DOCK10: variants seen among roughly 807,000 people sequenced by gnomAD.
DOCK10 encodes dedicator of cytokinesis 10.
DOCK10 carries 145 observed loss-of-function variants against 280.1 expected under a neutral mutation model. The ratio of observed to expected loss-of-function variants is 0.52; its 90% confidence interval spans 0.45 to 0.59. DOCK10 has a LOEUF of 0.59. DOCK10 is among the 20% of genes least tolerant of loss of function. The pLI is 0.00. For missense variants in DOCK10, 2,368 were observed against 2,651.7 expected (o/e 0.89, Z 2.35); for synonymous variants, 915 against 942.2 (o/e 0.97, Z 0.53).
At chr2:224,866,542 C>G (rs78882569) in intron 11 of DOCK10, among the ~76,000 whole-genome samples, 1 of 152,146 alleles carries the variant, frequency 6.6e-6, no homozygotes, top group Non-Finnish European at 1.5e-5. Context: ...TTGCTACTCA[C>G]CAAACACAAC....
intron 1 of DOCK10, among the ~76,000 whole-genome samples, chr2:225,023,530 C>T (rs1204067959): frequency 6.6e-6 from 1 of 152,094 alleles, no homozygotes; most frequent in South Asian, 2.1e-4. Context: ...TACCACCAAA[C>T]TGGCAAAAAT....
intron 15 of DOCK10, 83 bp from the exon 16 acceptor site, chr2:224,855,125 A>G: frequency 1.1e-6 from 1 of 889,358 alleles, no homozygotes; most frequent in Non-Finnish European, 1.6e-6. Flanking sequence ...ATTTTCAAGG[A>G]AAAAGCAGTC....
At chr2:225,012,360 T>C (rs892636096) in intron 1 of DOCK10, among the ~76,000 whole-genome samples, 1 of 152,254 alleles carries the variant, frequency 6.6e-6, no homozygotes, top group African/African-American at 2.4e-5. Context: ...AAAAAGCATT[T>C]GCAGGCATGC....
At chr2:224,837,701 G>C in intron 25 of DOCK10, 61 bp downstream of exon 25, 1 of 1,422,464 alleles carries the variant, frequency 7.0e-7, no homozygotes, top group Non-Finnish European at 9.9e-7. Context: ...CTGCAGACAG[G>C]AAATGAGACA....
At chr2:224,827,744 G>A (rs1317867103) in intron 27 of DOCK10, among the ~76,000 whole-genome samples, 1 of 152,160 alleles carries the variant, frequency 6.6e-6, no homozygotes, top group Non-Finnish European at 1.5e-5. Flanking sequence ...CAGGTAGGAG[G>A]CTCTCATCTC....
At chr2:224,997,485 G>C (rs1211177698) in intron 1 of DOCK10, among the ~76,000 whole-genome samples, 3 of 152,124 alleles carry the variant, frequency 2.0e-5, no homozygotes, top group African/African-American at 7.2e-5. Context: ...GCCCACCTCA[G>C]CCTCTCAAAG....
At chr2:224,905,711 T>A (rs544973485) in intron 3 of DOCK10, among the ~76,000 whole-genome samples, 1 of 152,242 alleles carries the variant, frequency 6.6e-6, no homozygotes, top group Non-Finnish European at 1.5e-5. Flanking sequence ...TGGCATTTTA[T>A]GCCATTGATG....
chr2:224,918,343 G>GTC (rs143723081), intron 2 of DOCK10, among the ~76,000 whole-genome samples: 35,023 of 151,412 alleles, frequency 0.23, 4,500 homozygotes, highest in Non-Finnish European at 0.28. Flanking sequence ...GGGTGTGTGT[G>GTC]TGTGAGCATG....
At chr2:224,848,764 G>C (rs1696530569) in intron 19 of DOCK10, among the ~76,000 whole-genome samples, 1 of 152,118 alleles carries the variant, frequency 6.6e-6, no homozygotes, top group Non-Finnish European at 1.5e-5. Context: ...GCTCCCTTAA[G>C]TTCAGGCATG....
intron 1 of DOCK10, among the ~76,000 whole-genome samples, chr2:225,009,255 C>T (rs1689365082): frequency 6.6e-6 from 1 of 151,982 alleles, no homozygotes; most frequent in South Asian, 2.1e-4. Context: ...TAATTTTTCG[C>T]TAAGATGTAA....
At chr2:224,985,140 A>C (rs1243395887) in intron 1 of DOCK10, among the ~76,000 whole-genome samples, 1 of 152,210 alleles carries the variant, frequency 6.6e-6, no homozygotes, top group African/African-American at 2.4e-5. Flanking sequence ...CGGCCTTACT[A>C]ATAAATGACC....
intron 1 of DOCK10, among the ~76,000 whole-genome samples, chr2:225,006,645 G>A (rs1689264125): frequency 6.6e-6 from 1 of 152,172 alleles, no homozygotes; most frequent in Non-Finnish European, 1.5e-5. Flanking sequence ...TGTCTAACAT[G>A]AGTTATTTGA....
Position 224,770,402 on chromosome 2 carries a change from A to C in DOCK10, c.6306-53T>G. ...AAACCAGCCCTCGGAAGTGGCATTG[A>C]GCTCAGTGACTGTGAGTTCAGAGTC... On this transcript the variant is annotated intron_variant, in intron 54 of 55. Transcript: ENST00000258390. The surrounding 1 kb of genome is among the most constrained non-coding windows in gnomAD (Gnocchi z 4.5). 2 of 1,563,196 alleles carry C rather than the reference A, an allele frequency of 1.3e-6. No homozygotes were observed. Among genetic ancestry groups the C allele is most frequent in the Non-Finnish European group, 1.7e-6 (2 of 1,153,556 alleles).
chr2:224,829,360 G>A lies in DOCK10; in HGVS notation c.3036+1181C>T, dbSNP rs185499819. ...ACTGGCATTTGGAGTAAGCTTGCACGGGTGCTTGGTCTGTGGAGGTATCCT... is the reference window on the plus strand; with the variant it reads ...ACTGGCATTTGGAGTAAGCTTGCACAGGTGCTTGGTCTGTGGAGGTATCCT... On this transcript the variant is annotated intron_variant, in intron 27 of 55. Coordinates refer to ENST00000258390, the MANE Select transcript of DOCK10 (RefSeq NM_014689.3). Among the ~76,000 whole-genome samples, 11 of 152,312 alleles carry A rather than the reference G, an allele frequency of 7.2e-5. No individual in the cohort carries two copies. In the East Asian group the frequency reaches 1.9e-3, roughly 27 times the overall value.
chr2:225,027,848 T>C (rs1024153315), intron 1 of DOCK10, among the ~76,000 whole-genome samples: 3 of 152,170 alleles, frequency 2.0e-5, no homozygotes, highest in Non-Finnish European at 4.4e-5. Context: ...AAGAATTTTG[T>C]GTCTACTAAT....
At chr2:224,917,094 T>C (rs1358497534) in intron 2 of DOCK10, among the ~76,000 whole-genome samples, 1 of 130,822 alleles carries the variant, frequency 7.6e-6, no homozygotes, top group Non-Finnish European at 1.6e-5. Flanking sequence ...CTGATTTCTA[T>C]TGGAATCTTT....
intron 18 of DOCK10, among the ~76,000 whole-genome samples, chr2:224,850,549 A>G (rs1480351238): frequency 6.6e-6 from 1 of 152,284 alleles, no homozygotes; most frequent in Non-Finnish European, 1.5e-5. Context: ...CTTGATTTAC[A>G]TGGAATAAGG....
intron 50 of DOCK10, 130 bp from the exon 51 acceptor site, chr2:224,778,414 T>C (rs1332586301): frequency 1.2e-6 from 1 of 852,152 alleles, no homozygotes; most frequent in South Asian, 1.5e-5. Flanking sequence ...GTTAACACCC[T>C]ATAAAATTCA....
intron 1 of DOCK10, among the ~76,000 whole-genome samples, chr2:225,018,880 A>G (rs372704169): frequency 1.1e-4 from 16 of 146,578 alleles, no homozygotes; most frequent in East Asian, 2.0e-4. Flanking sequence ...TATGTATATC[A>G]TTATATATGT....
Sources: gnomAD v4.1 joint callset for allele counts (sites outside exome capture counted in the v4.1 genomes callset) on GRCh38, gnomAD v4.1.1 for gene constraint, Gnocchi (gnomAD v3.1) non-coding constraint, MANE v1.5 for transcripts, NCBI Gene and HGNC (gene_info 2026-07-23, HGNC 2026-07-21) for gene names.